The following HTR7 variants were observed in gnomAD, a reference collection of about 807,000 sequenced individuals.
HTR7 encodes the protein 5-HT-7.
Under a neutral mutation model 34.0 loss-of-function variants are expected in HTR7, and 16 were observed. The ratio of observed to expected loss-of-function variants is 0.47; its 90% CI spans 0.32 to 0.71. The LOEUF is 0.71. Ranked by LOEUF, HTR7 falls within the 30% of genes least tolerant of loss-of-function variation. The probability of loss-of-function intolerance (pLI) is 0.04; values close to 1 mark genes in which losing one functional copy is unlikely to be tolerated. For missense variants in HTR7, 504 were observed against 625.5 expected (o/e 0.81, Z 2.07); for synonymous variants, 265 against 260.2 (o/e 1.02, Z -0.18).
intron 1 of HTR7, among the ~76,000 whole-genome samples, chr10:90,764,780 C>T (rs1002126901): frequency 6.6e-6 from 1 of 152,126 alleles, no homozygotes; most frequent in Non-Finnish European, 1.5e-5. Flanking sequence ...CTTTACACCA[C>T]TGAGTATGAT....
chr10:90,813,447 G>A (rs1197045093), intron 1 of HTR7, among the ~76,000 whole-genome samples: 2 of 151,992 alleles, frequency 1.3e-5, no homozygotes, highest in East Asian at 1.9e-4. Flanking sequence ...GCTTGAACGC[G>A]GGTGGCAGAG....
intron 1 of HTR7, among the ~76,000 whole-genome samples, chr10:90,809,384 G>C (rs1845763941): frequency 6.6e-6 from 1 of 152,052 alleles, no homozygotes; most frequent in Non-Finnish European, 1.5e-5. Context: ...GACTCGTTTG[G>C]CAGCAACCCT....
rs758682913 is a variant in HTR7, at chr10:90,806,268, C to A, written c.539+50865G>T. Among the ~76,000 whole-genome samples, 29 of 152,098 alleles carry A rather than the reference C, an allele frequency of 1.9e-4. 1 individual carries two copies. The highest frequency in any genetic ancestry group is 2.9e-5 in the Non-Finnish European group (2 of 68,014). On this transcript the variant is annotated intron_variant, in intron 1 of 3. Coordinates refer to ENST00000336152, the MANE Select transcript of HTR7 (RefSeq NM_019859.4). ...GGGAATGAGGAACCCTTGACGGGGT[C>A]ATCCATGGTATGGAGCTGCAGCTGT...
intron 1 of HTR7, among the ~76,000 whole-genome samples, chr10:90,850,840 A>C (rs903808221): frequency 5.3e-5 from 8 of 152,224 alleles, no homozygotes; most frequent in African/African-American, 1.7e-4. Flanking sequence ...ACTCAAGCAC[A>C]GATGTAAAAC....
At chr10:90,782,809 G>A (rs867397678) in intron 1 of HTR7, among the ~76,000 whole-genome samples, 17 of 151,958 alleles carry the variant, frequency 1.1e-4, no homozygotes, top group South Asian at 2.1e-4. Flanking sequence ...CCACAAATCC[G>A]CTTCATTTTT....
intron 1 of HTR7, among the ~76,000 whole-genome samples, chr10:90,800,705 T>C (rs990509943): frequency 6.6e-6 from 1 of 152,170 alleles, no homozygotes; most frequent in Non-Finnish European, 1.5e-5. Context: ...CTAACTAAAC[T>C]CTCACAAGTA....
rs765264023 is a variant in HTR7, at chr10:90,748,877, C to T, written c.1257G>A (p.Leu419=). ...KLSAAGMHEA[L]KLAERPERPE... ...GTCTCTCTGGCCTCTCAGCAAGCTT[C>T]AGGGCTTCATGCATGCCTGCAGCTG... The change falls in exon 2 of 4, where the codon CTG becomes CTA. Residue 419 remains leucine, a synonymous_variant. Transcript: ENST00000336152. 5 of 1,614,124 alleles carry T rather than the reference C, an allele frequency of 3.1e-6. No individual in the cohort carries two copies. The Admixed American group carries it at 8.3e-5, about 27-fold the overall frequency.
intron 1 of HTR7, among the ~76,000 whole-genome samples, chr10:90,777,932 C>T (rs1293688547): frequency 1.3e-5 from 2 of 152,198 alleles, no homozygotes; most frequent in Non-Finnish European, 2.9e-5. Context: ...ATCCCACACA[C>T]CCCTTCATCT....
chr10:90,797,592 T>C (rs931135938), intron 1 of HTR7, among the ~76,000 whole-genome samples: 2 of 152,194 alleles, frequency 1.3e-5, no homozygotes, highest in Admixed American at 1.3e-4. Flanking sequence ...ATACTAAAGG[T>C]TTCCAGGACT....
intron 1 of HTR7, among the ~76,000 whole-genome samples, chr10:90,796,383 C>T (rs1412982514): frequency 6.6e-6 from 1 of 152,158 alleles, no homozygotes; most frequent in Non-Finnish European, 1.5e-5. Context: ...GTTTAAATAA[C>T]AAAAGGTTGA....
At chr10:90,785,138 C>T (rs994584706) in intron 1 of HTR7, among the ~76,000 whole-genome samples, 6 of 152,144 alleles carry the variant, frequency 3.9e-5, no homozygotes, top group Admixed American at 3.3e-4. Flanking sequence ...TAATATAAGA[C>T]GCATTAGCAC....
At position 90,749,252 on chromosome 10, in the gene HTR7, C is replaced by G. The variant is rs774144949; in HGVS notation, c.882G>C (p.Lys294Asn). ...DSVIALNGIV[K>N]LQKEVEECAN... is the part of the protein sequence containing the mutation. The stretch of plus-strand genomic sequence containing the variant: ...CACACTCTTCCACCTCCTTCTGGAG[C>G]TTCACTATGCCATTCAGGGCGATGA... The change falls in exon 2 of 4, where the codon AAG becomes AAC. Residue 294 changes from lysine to asparagine, a missense_variant. Physicochemically the swap from Lys to Asn is moderately conservative, Grantham distance 94 (BLOSUM62 0). This residue lies in a region of HTR7 where 57 missense variants were observed against 47.5 expected (regional missense o/e 1.20). Coordinates refer to ENST00000336152, the MANE Select transcript of HTR7 (RefSeq NM_019859.4). This position sits in a 1 kb window ranked among gnomAD's most constrained non-coding sequence, Gnocchi z 4.2. 5.6e-6 allele frequency: 9 copies of G among 1,614,078 alleles called. No homozygotes were observed. The highest frequency in any genetic ancestry group is 7.6e-6 in the Non-Finnish European group (9 of 1,179,982).
intron 1 of HTR7, among the ~76,000 whole-genome samples, chr10:90,810,032 CA>C (rs894881942): frequency 6.6e-6 from 1 of 152,164 alleles, no homozygotes; most frequent in Admixed American, 6.5e-5. Context: ...ACCTCCTTTT[CA>C]AGGGCCTGTT....
At chr10:90,829,783 A>G (rs1257373529) in intron 1 of HTR7, among the ~76,000 whole-genome samples, 2 of 152,240 alleles carry the variant, frequency 1.3e-5, no homozygotes, top group Non-Finnish European at 2.9e-5. Context: ...ATGTTTCAAC[A>G]TACAAAATCA....
intron 1 of HTR7, among the ~76,000 whole-genome samples, chr10:90,792,000 C>T (rs980025417): frequency 6.6e-6 from 1 of 152,088 alleles, no homozygotes; most frequent in African/African-American, 2.4e-5. Flanking sequence ...TCAAACTCCT[C>T]GTTTTCAGAA....
At chr10:90,746,472 C>T (rs1165996397) in intron 2 of HTR7, among the ~76,000 whole-genome samples, 2 of 152,214 alleles carry the variant, frequency 1.3e-5, no homozygotes, top group Non-Finnish European at 2.9e-5. Context: ...TTAACTGGAT[C>T]CCCTGCCACC....
intron 1 of HTR7, among the ~76,000 whole-genome samples, chr10:90,811,066 T>C (rs1441659068): frequency 6.6e-6 from 1 of 152,198 alleles, no homozygotes; most frequent in Non-Finnish European, 1.5e-5. Context: ...CACTCCTTTT[T>C]CCGTTCCTTG....
intron 1 of HTR7, among the ~76,000 whole-genome samples, chr10:90,781,516 G>A (rs967350594): frequency 2.0e-5 from 3 of 152,094 alleles, no homozygotes; most frequent in African/African-American, 7.2e-5. Flanking sequence ...GTAATACATG[G>A]TCAACACAAT....
At chr10:90,766,642 A>C (rs1156460720) in intron 1 of HTR7, among the ~76,000 whole-genome samples, 1 of 152,098 alleles carries the variant, frequency 6.6e-6, no homozygotes, top group Non-Finnish European at 1.5e-5. Context: ...TTGTAACCTG[A>C]AGATTTTTTG....
Sources: gnomAD v4.1 joint callset for allele counts (sites outside exome capture counted in the v4.1 genomes callset) on GRCh38, gnomAD v4.1.1 for gene constraint, gnomAD v4.1.1 regional missense constraint, Gnocchi (gnomAD v3.1) non-coding constraint, MANE v1.5 for transcripts, NCBI Gene and HGNC (gene_info 2026-07-23, HGNC 2026-07-21) for gene names.